The following SUSD2 variants were observed in gnomAD, a reference collection of about 807,000 sequenced individuals.
The protein encoded by SUSD2 is sushi domain-containing protein 2.
In SUSD2, 86 loss-of-function variants were observed where a neutral mutation model predicts 93.8. That is an observed-to-expected ratio of 0.92 (90% CI 0.77 to 1.10). The LOEUF is 1.10. SUSD2 is among the 50% of genes least tolerant of loss of function. The pLI is 0.00. For synonymous variants in SUSD2, 483 were observed against 485.0 expected, an observed-to-expected ratio of 1.00 and a Z score of 0.05; for missense variants, 1,060 against 1,137.0, an observed-to-expected ratio of 0.93 and a Z score of 0.97.
rs2047386561 is a variant in SUSD2, at chr22:24,188,582, C to A, written c.*146C>A. On this transcript the variant is annotated 3_prime_UTR_variant, in exon 15 of 15. Transcript: ENST00000358321. This position sits in a 1 kb window ranked among gnomAD's most constrained non-coding sequence, Gnocchi z 4.7. ...TAACCCCCTACTCTGTCATCTCAGACCCCAGGCAGGAGGCCCAGTGTTCCA... is the reference window on the plus strand; with the variant it reads ...TAACCCCCTACTCTGTCATCTCAGAACCCAGGCAGGAGGCCCAGTGTTCCA... 7 of 754,504 alleles carry A rather than the reference C, an allele frequency of 9.3e-6. No individual in the cohort carries two copies. The Admixed American group carries it at 1.5e-4, about 17-fold the overall frequency. The allele number at this position is 754,504 out of a possible 1,614,324, so 46.7% of individuals were successfully genotyped here. A position where few individuals can be genotyped will look rare whatever the true frequency, so the allele number is the denominator to read the frequency against.
chr22:24,182,150 C>T (rs1329928190), intron 1 of SUSD2, among the ~76,000 whole-genome samples: 3 of 152,220 alleles, frequency 2.0e-5, no homozygotes, highest in Non-Finnish European at 2.9e-5. Context: ...GTGGGGCCAG[C>T]GGGGTGGCTC....
In SUSD2 at chr22:24,188,466, C is replaced by T. The variant is rs1340442040; in HGVS notation, c.*30C>T. 6.2e-7 allele frequency: 1 copy of T among 1,604,886 alleles called. No homozygotes were observed. Among genetic ancestry groups the T allele is most frequent in the Non-Finnish European group, 8.5e-7 (1 of 1,176,966 alleles). ...AGCAGCTTGGCTGTGAGCACCAGGC[C>T]AAGACTCCTGAGAACAGGCAGCCCA... On this transcript the variant is annotated 3_prime_UTR_variant, in exon 15 of 15. Coordinates refer to ENST00000358321, the MANE Select transcript of SUSD2 (RefSeq NM_019601.4). The surrounding 1 kb of genome is among the most constrained non-coding windows in gnomAD (Gnocchi z 4.7).
At position 24,187,403 on chromosome 22, in the gene SUSD2, TGCCCCCAGGCACCA is replaced by T; in HGVS notation, c.1846_1859del (p.Pro616SerfsTer48). 9 of 1,613,746 alleles carry T rather than the reference TGCCCCCAGGCACCA, an allele frequency of 5.6e-6. No homozygotes were observed. The highest frequency in any genetic ancestry group is 7.6e-6 in the Non-Finnish European group (9 of 1,180,006). Reference sequence around the variant, plus strand: ...TTCACCCTGCACAGCGGGCGCGTCCTGCCCCCAGGCACCAGTCCCCAGGAGCTGTTCCTGTTTGG... The same window carrying T: ...TTCACCCTGCACAGCGGGCGCGTCCTGTCCCCAGGAGCTGTTCCTGTTTGG... On this transcript the variant is annotated frameshift_variant, in exon 11 of 15. Transcript: ENST00000358321. LOFTEE classifies it high-confidence loss of function.
rs1200324014 is a variant in SUSD2, at chr22:24,182,814, C to T, written c.77-243C>T. Reference sequence around the variant, plus strand: ...GAGCGGATGCAGCTTTTTGCCTCTTCTCGCTGCATTCTAGCCCGTCAGTCA... The same window carrying T: ...GAGCGGATGCAGCTTTTTGCCTCTTTTCGCTGCATTCTAGCCCGTCAGTCA... On this transcript the variant is annotated intron_variant, in intron 1 of 14. Coordinates refer to ENST00000358321, the MANE Select transcript of SUSD2 (RefSeq NM_019601.4). 1.1e-5 allele frequency: 6 copies of T among 530,194 alleles called. No homozygotes were observed. The South Asian group carries it at 1.2e-4, about 10-fold the overall frequency. 32.8% of individuals were successfully genotyped at this position (530,194 alleles called of 1,614,324 possible).
At chr22:24,182,780 T>C in intron 1 of SUSD2, 5 of 443,350 alleles carry the variant, frequency 1.1e-5, no homozygotes, top group Non-Finnish European at 2.0e-5. Flanking sequence ...CTCCTGACCC[T>C]GCAGGGCTGA....
At position 24,184,828 on chromosome 22, in the gene SUSD2, A is replaced by G; in HGVS notation, c.670A>G (p.Ile224Val). ...WSYLYPLATH[I>V]PNSGSFTFTP... ...GTACCTGTACCCCCTGGCCACACAC[A>G]TCCCCAACTCCGGCTCTTTCACTTT... The change falls in exon 5 of 15, where the codon ATC becomes GTC. Residue 224 changes from isoleucine (I) to valine (V), a missense_variant. Coordinates refer to ENST00000358321, the MANE Select transcript of SUSD2 (RefSeq NM_019601.4). 2 of 1,613,862 alleles carry G rather than the reference A, an allele frequency of 1.2e-6. No individual in the cohort carries two copies. The highest frequency in any genetic ancestry group is 1.7e-6 in the Non-Finnish European group (2 of 1,179,918).
At position 24,185,904 on chromosome 22, in the gene SUSD2, C is replaced by A; in HGVS notation, c.1314C>A (p.Cys438Ter). The change falls in exon 8 of 15, where the codon TGC (cysteine) becomes TGA (stop). Residue 438 changes from cysteine (C) to a stop codon, truncating the protein, a stop_gained. Coordinates refer to ENST00000358321, the MANE Select transcript of SUSD2 (RefSeq NM_019601.4). LOFTEE classifies it high-confidence loss of function. ...RYMQRRPSND[C>*]RNYRPPRLAS... is the part of the protein sequence containing the mutation. ...TGCAACGGCGGCCCTCCAATGACTGCCGCAACTACCGGCCCCCAAGACTGG... is the reference window on the plus strand; with the variant it reads ...TGCAACGGCGGCCCTCCAATGACTGACGCAACTACCGGCCCCCAAGACTGG... The A allele has an allele frequency of 6.4e-7, 1 of 1,572,400 alleles. No individual in the cohort carries two copies. Among genetic ancestry groups the A allele is most frequent in the Admixed American group, 1.7e-5 (1 of 57,240 alleles).
chr22:24,184,236 G>T lies in SUSD2; in HGVS notation c.540G>T (p.Leu180=). 6.2e-7 allele frequency: 1 copy of T among 1,613,748 alleles called. No individual in the cohort carries two copies. The highest frequency in any genetic ancestry group is 1.1e-5 in the South Asian group (1 of 91,076). ...CCAACACCTCAGGCAACCTCAGCCT[G>T]ACCTGGCATGTCAAGTCGCTGCCCA... The part of the protein sequence containing the change: ...GTANTSGNLS[L]TWHVKSLPTQ... Residue 180 remains leucine, a synonymous_variant, in exon 4 of 15, where the codon CTG becomes CTT. Transcript: ENST00000358321.
Position 24,188,282 on chromosome 22 carries a change from C to T in SUSD2, c.2399C>T (p.Ala800Val), listed in dbSNP as rs377355379. The T allele has an allele frequency of 1.6e-5, 26 of 1,604,084 alleles. No individual in the cohort carries two copies. Among genetic ancestry groups the T allele is most frequent in the South Asian group, 3.3e-5 (3 of 90,534 alleles). ...TTTGGGGGCCTCGCGGTGGTGGCGG[C>T]GGTTGCGCTCGTCTATGTGCTGCTG... ...IIFGGLAVVA[A>V]VALVYVLLRR... Residue 800 changes from alanine to valine, a missense_variant, in exon 14 of 15, where the codon GCG becomes GTG. Ala to Val is a moderately conservative substitution (Grantham distance 64). This residue lies in a region of SUSD2 where 973 missense variants were observed against 1,005.3 expected (regional missense o/e 0.97). Transcript: ENST00000358321. This position sits in a 1 kb window ranked among gnomAD's most constrained non-coding sequence, Gnocchi z 4.7.
At position 24,187,950 on chromosome 22, in the gene SUSD2, C is replaced by G. The variant is rs751632423; in HGVS notation, c.2165-9C>G. 3 of 1,612,510 alleles carry G rather than the reference C, an allele frequency of 1.9e-6. No individual in the cohort carries two copies. The South Asian group carries it at 3.3e-5, about 18-fold the overall frequency. On this transcript the variant is annotated splice_polypyrimidine_tract_variant and intron_variant, in intron 12 of 14. Transcript: ENST00000358321. The stretch of plus-strand genomic sequence containing the variant: ...CAGGCCTGTTGTCTGCACTCTGTCC[C>G]CATCCCAGTGGTGTCCTGTGGCTGG...
Position 24,181,523 on chromosome 22 carries a change from A to G in SUSD2, c.4A>G (p.Lys2Glu). 6.3e-7 allele frequency: 1 copy of G among 1,581,242 alleles called. No individual in the cohort carries two copies. The highest frequency in any genetic ancestry group is 1.3e-5 in the African/African-American group (1 of 74,470). ...GGCTGCAGACACAGGCTGCACCATG[A>G]AGCCAGCCCTCCTGCCCTGGGCCCT... Reference protein sequence around the residue: MKPALLPWALLL... With the variant: MEPALLPWALLL... Residue 2 changes from lysine (K) to glutamate (E), a missense_variant, in exon 1 of 15, where the codon AAG becomes GAG. Physicochemically the swap from Lys to Glu is moderately conservative, Grantham distance 56. Coordinates refer to ENST00000358321, the MANE Select transcript of SUSD2 (RefSeq NM_019601.4).
chr22:24,184,992 GC>G, intron 5 of SUSD2, 52 bp downstream of exon 5: 3 of 1,611,538 alleles, frequency 1.9e-6, no homozygotes, highest in Non-Finnish European at 2.5e-6. Flanking sequence ...GCCGCCCGAG[GC>G]CCATCATGCT....
rs1386383813 is a variant in SUSD2 at position 24,183,713 on chromosome 22, C to G, written c.439+67C>G. The G allele has an allele frequency of 5.2e-6, 8 of 1,530,068 alleles. No homozygotes were observed. In the Admixed American group the frequency reaches 1.4e-4, roughly 28 times the overall value. The allele number at this position is 1,530,068 out of a possible 1,614,324, so 94.8% of individuals were successfully genotyped here. On this transcript the variant is annotated intron_variant, in intron 3 of 14. Coordinates refer to ENST00000358321, the MANE Select transcript of SUSD2 (RefSeq NM_019601.4). ...TTTCCCCAGCGCTAATCTATGCACA[C>G]CGAGACTTGGCCTGTCCGTGCCCTG...
chr22:24,186,154 C>G lies in SUSD2; in HGVS notation c.1478C>G (p.Ser493Cys). 1 of 1,609,120 alleles carries G rather than the reference C, an allele frequency of 6.2e-7. No individual in the cohort carries two copies. The highest frequency in any genetic ancestry group is 8.5e-7 in the Non-Finnish European group (1 of 1,177,832). ...GCGCGGGCCCAGCCCGGGACGATGT[C>G]CAACGGTGAGGCCAGGGCTAGGGGC... ...VQARAQPGTMSNGTETRGTGL... is the reference protein window; with the variant it reads ...VQARAQPGTMCNGTETRGTGL... The change falls in exon 9 of 15, where the codon TCC becomes TGC. Residue 493 changes from serine to cysteine, a missense_variant. Physicochemically the swap from Ser to Cys is moderately radical, Grantham distance 112. Coordinates refer to ENST00000358321, the MANE Select transcript of SUSD2 (RefSeq NM_019601.4).
intron 10 of SUSD2, 104 bp from the exon 11 acceptor site, chr22:24,187,098 G>A (rs1262076145): frequency 4.2e-5 from 62 of 1,466,588 alleles, no homozygotes; most frequent in Non-Finnish European, 5.2e-5. Context: ...CCCTGCAGGT[G>A]CCCTCACCCA....
Position 24,185,890 on chromosome 22 carries a change from C to A in SUSD2, c.1300C>A (p.Pro434Thr). Residue 434 changes from proline (P) to threonine (T), a missense_variant, in exon 8 of 15, where the codon CCC (proline) becomes ACC (threonine). Around this residue, in one of 2 missense-constraint regions of SUSD2, gnomAD observed 973 missense variants for 1,005.3 expected, o/e 0.97. Coordinates refer to ENST00000358321, the MANE Select transcript of SUSD2 (RefSeq NM_019601.4). Reference sequence around the variant, plus strand: ...CTGCCCCCGCTACATGCAACGGCGGCCCTCCAATGACTGCCGCAACTACCG... The same window carrying A: ...CTGCCCCCGCTACATGCAACGGCGGACCTCCAATGACTGCCGCAACTACCG... Reference protein sequence around the residue: ...PDCPRYMQRRPSNDCRNYRPP... With the variant: ...PDCPRYMQRRTSNDCRNYRPP... 1.3e-6 allele frequency: 2 copies of A among 1,582,028 alleles called. No homozygotes were observed. The highest frequency in any genetic ancestry group is 1.7e-6 in the Non-Finnish European group (2 of 1,161,730).
At chr22:24,183,370 C>A in intron 2 of SUSD2, 103 bp downstream of exon 2, 2 of 1,527,026 alleles carry the variant, frequency 1.3e-6, no homozygotes, top group South Asian at 1.2e-5. Context: ...CCCTCGGACC[C>A]AGGACAGGCA....
rs1359224482 is a variant in SUSD2, at chr22:24,188,161, G to A, written c.2341+26G>A. 1.9e-6 allele frequency: 3 copies of A among 1,603,346 alleles called. No homozygotes were observed. Among genetic ancestry groups the A allele is most frequent in the East Asian group, 4.5e-5 (2 of 44,670 alleles). Reference sequence around the variant, plus strand: ...GTGAGGACACTCTGCTCATACACCTGCCTGCACCTGTCCCCACTCACCACC... The same window carrying A: ...GTGAGGACACTCTGCTCATACACCTACCTGCACCTGTCCCCACTCACCACC... On this transcript the variant is annotated intron_variant, in intron 13 of 14. Coordinates refer to ENST00000358321, the MANE Select transcript of SUSD2 (RefSeq NM_019601.4). The surrounding 1 kb of genome is among the most constrained non-coding windows in gnomAD (Gnocchi z 4.7).
At position 24,183,646 on chromosome 22, in the gene SUSD2, G is replaced by A. The variant is rs776334735; in HGVS notation, c.439G>A (p.Val147Met). 3 of 1,610,134 alleles carry A rather than the reference G, an allele frequency of 1.9e-6. No individual in the cohort carries two copies. In the East Asian group the frequency reaches 6.7e-5, roughly 36 times the overall value. The change falls in exon 3 of 15, where the codon GTG (valine) becomes ATG (methionine). Residue 147 changes from valine to methionine, a missense_variant and splice_region_variant. Physicochemically the swap from Val to Met is conservative, Grantham distance 21. This residue lies in a region of SUSD2 where 973 missense variants were observed against 1,005.3 expected (regional missense o/e 0.97). Transcript: ENST00000358321. ...CCCTCGTGCGGGCACCTGGCTGGCT[G>A]GTGAGCCCTCCTCCCTGCCCACAGC... is the stretch of plus-strand genomic sequence containing the variant. ...SFPRAGTWLA[V>M]HPNKVSMMEK...
Sources: gnomAD v4.1 joint callset for allele counts (sites outside exome capture counted in the v4.1 genomes callset) on GRCh38, gnomAD v4.1.1 for gene constraint, gnomAD v4.1.1 regional missense constraint, Gnocchi (gnomAD v3.1) non-coding constraint, MANE v1.5 for transcripts, NCBI Gene and HGNC (gene_info 2026-07-23, HGNC 2026-07-21) for gene names.